The following ARHGEF9 variants were observed in gnomAD, a reference collection of about 807,000 sequenced individuals.
ARHGEF9 encodes rho guanine nucleotide exchange factor 9.
Under a neutral mutation model 41.3 loss-of-function variants are expected in ARHGEF9, and 2 were observed. The observed-to-expected ratio is 0.05, with a 90% CI of 0.02 to 0.15. The LOEUF (loss-of-function observed/expected upper bound fraction) is 0.15, where lower values mean the gene tolerates loss of function less well. Among genes scored for constraint, ARHGEF9 ranks in the 10% least tolerant of loss-of-function variants. The pLI is 1.00. For missense variants in ARHGEF9, 225 were observed against 424.7 expected, an observed-to-expected ratio of 0.53 and a Z score of 4.13; for synonymous variants, 160 against 154.4, an observed-to-expected ratio of 1.04 and a Z score of -0.27.
chrX:63,697,411 G>T, intron 3 of ARHGEF9, 107 bp from the exon 4 acceptor site: 1 of 697,026 alleles, frequency 1.4e-6, no homozygotes, highest in Non-Finnish European at 2.2e-6. Context: ...AGTAGGCATG[G>T]AATAATTATT....
chrX:63,694,136 T>C (rs1168387822), intron 4 of ARHGEF9, among the ~76,000 whole-genome samples: 2 of 108,786 alleles, frequency 1.8e-5, no homozygotes, highest in Admixed American at 9.8e-5. Context: ...CAAGCCAAGA[T>C]TGCACCACTG....
chrX:63,757,100 A>G (rs1255824828), intron 1 of ARHGEF9, among the ~76,000 whole-genome samples: 1 of 111,816 alleles, frequency 8.9e-6, no homozygotes, highest in Non-Finnish European at 1.9e-5. Flanking sequence ...CACTTCCTGC[A>G]TGGGTTCTTC....
intron 1 of ARHGEF9, among the ~76,000 whole-genome samples, chrX:63,775,457 A>G (rs1235906044): frequency 8.9e-6 from 1 of 112,686 alleles, no homozygotes; most frequent in Non-Finnish European, 1.9e-5. Context: ...TGGATAAAGA[A>G]AATATGGTAC....
chrX:63,637,275 G>A lies in ARHGEF9; in HGVS notation c.*753C>T, dbSNP rs2047356226. The A allele has an allele frequency of 6.7e-6, 2 of 297,104 alleles. No individual in the cohort carries two copies. The allele number at this position is 297,104 out of a possible 1,213,427, so 24.5% of individuals were successfully genotyped here. On this transcript the variant is annotated 3_prime_UTR_variant, in exon 10 of 10. Transcript: ENST00000671741. ...CATCATCATAGTCTGATACTCCCTT[G>A]CTTCTGTTTGGTTTTTTGATCCCTT...
At chrX:63,646,920 T>C (rs1341436413) in intron 8 of ARHGEF9, among the ~76,000 whole-genome samples, 1 of 111,459 alleles carries the variant, frequency 9.0e-6, no homozygotes, top group Non-Finnish European at 1.9e-5. Flanking sequence ...CAGTGGTTTG[T>C]AGTTGTCCTT....
intron 7 of ARHGEF9, among the ~76,000 whole-genome samples, chrX:63,664,367 A>T (rs1224559034): frequency 1.8e-5 from 2 of 112,546 alleles, no homozygotes; most frequent in African/African-American, 6.5e-5. Flanking sequence ...AGTTAAAGTA[A>T]TCCCAGCCTT....
chrX:63,766,578 T>C (rs782512542), intron 1 of ARHGEF9, among the ~76,000 whole-genome samples: 16 of 112,282 alleles, frequency 1.4e-4, no homozygotes, highest in African/African-American at 4.8e-4. Flanking sequence ...TCACTGCCTT[T>C]ACATACCCCA....
chrX:63,674,772 T>C (rs2050158161), intron 5 of ARHGEF9, among the ~76,000 whole-genome samples: 1 of 111,599 alleles, frequency 9.0e-6, no homozygotes, highest in Non-Finnish European at 1.9e-5. Context: ...AGTTTGGCAG[T>C]TACTCAAGAG....
At chrX:63,698,142 A>T (rs1473424002) in intron 3 of ARHGEF9, among the ~76,000 whole-genome samples, 3 of 105,063 alleles carry the variant, frequency 2.9e-5, no homozygotes, top group Non-Finnish European at 5.8e-5. Flanking sequence ...TAAATATATC[A>T]TATATATATA....
intron 4 of ARHGEF9, among the ~76,000 whole-genome samples, chrX:63,681,250 A>G (rs2050603629): frequency 8.9e-6 from 1 of 111,905 alleles, no homozygotes; most frequent in African/African-American, 3.3e-5. Context: ...TTCTAGTCTC[A>G]CTACCACATG....
chrX:63,785,071 G>A lies in ARHGEF9; in HGVS notation c.30+45C>T, dbSNP rs782387585. 4.8e-4 allele frequency: 552 copies of A among 1,158,478 alleles called. 2 individuals carry two copies. The highest frequency in any genetic ancestry group is 4.4e-3 in the Middle Eastern group (19 of 4,277). The stretch of plus-strand genomic sequence containing the variant: ...GGAGGAACTGGAGGTGGGGCTGGGG[G>A]ACTGAGAGGCTCAAGCAAGGGAAGC... On this transcript the variant is annotated intron_variant, in intron 1 of 9. Transcript: ENST00000671741.
chrX:63,770,252 C>T (rs782298079), intron 1 of ARHGEF9, among the ~76,000 whole-genome samples: 8 of 112,492 alleles, frequency 7.1e-5, no homozygotes, highest in Admixed American at 2.8e-4. Context: ...CTTACATCAG[C>T]GTAACTGGAA....
chrX:63,720,120 T>C (rs368869077), intron 2 of ARHGEF9, among the ~76,000 whole-genome samples: 33 of 111,645 alleles, frequency 3.0e-4, no homozygotes, highest in Middle Eastern at 4.6e-3. Flanking sequence ...GTGATCTACA[T>C]ACAAACAGGA....
intron 1 of ARHGEF9, among the ~76,000 whole-genome samples, chrX:63,782,357 C>T (rs1200546291): frequency 8.9e-6 from 1 of 111,979 alleles, no homozygotes; most frequent in Non-Finnish European, 1.9e-5. Flanking sequence ...GACTGAGAAA[C>T]ATAAAAGCCG....
In ARHGEF9 at chrX:63,785,200, G is replaced by A; in HGVS notation, c.-55C>T. On this transcript the variant is annotated 5_prime_UTR_variant, in exon 1 of 10. Coordinates refer to ENST00000671741, the MANE Select transcript of ARHGEF9 (RefSeq NM_001353921.2). ...CCCCGTAGCTGGCGCGAGTTGTCGC[G>A]GGCTGACTAGAAGGGCTGGGCTGAA... 1.8e-5 allele frequency: 20 copies of A among 1,141,659 alleles called. No homozygotes were observed. The highest frequency in any genetic ancestry group is 2.2e-5 in the Non-Finnish European group (19 of 853,150). The allele number at this position is 1,141,659 out of a possible 1,213,427, so 94.1% of individuals were successfully genotyped here. A position where few individuals can be genotyped will look rare whatever the true frequency, so the allele number is the denominator to read the frequency against.
intron 2 of ARHGEF9, chrX:63,707,461 T>C (rs1328500930): frequency 2.9e-5 from 3 of 104,344 alleles, no homozygotes; most frequent in Non-Finnish European, 5.8e-5. Context: ...CCCAAGAAGA[T>C]AGCCCTTCCC....
chrX:63,704,032 A>C lies in ARHGEF9; in HGVS notation c.402+2226T>G, dbSNP rs1468303339. Among the ~76,000 whole-genome samples, 6 of 111,770 alleles carry C rather than the reference A, an allele frequency of 5.4e-5. No homozygotes were observed. In the Admixed American group the frequency reaches 5.7e-4, roughly 11 times the overall value. On this transcript the variant is annotated intron_variant, in intron 3 of 9. Coordinates refer to ENST00000671741, the MANE Select transcript of ARHGEF9 (RefSeq NM_001353921.2). ...CAGAAAGGAGCAGGAGGTGAAAGTCATAGAGGCAAGGATGGGTTGACCACA... is the reference window on the plus strand; with the variant it reads ...CAGAAAGGAGCAGGAGGTGAAAGTCCTAGAGGCAAGGATGGGTTGACCACA...
In ARHGEF9 at chrX:63,637,870, G is replaced by C. The variant is rs1403836884; in HGVS notation, c.*158C>G. On this transcript the variant is annotated 3_prime_UTR_variant, in exon 10 of 10. Transcript: ENST00000671741. ...TCTGTGTGTGTGTGTGTGTGTGTGT[G>C]TGTGTGTGTGTCTGTGTGTGTGTGT... is the stretch of plus-strand genomic sequence containing the variant. 6.5e-5 allele frequency: 27 copies of C among 417,731 alleles called. No homozygotes were observed. The highest frequency in any genetic ancestry group is 6.1e-4 in the African/African-American group (24 of 39,311). 34.4% of individuals were successfully genotyped at this position (417,731 alleles called of 1,213,427 possible). A position where few individuals can be genotyped will look rare whatever the true frequency, so the allele number is the denominator to read the frequency against.
chrX:63,719,264 T>C (rs1404335741), intron 2 of ARHGEF9, among the ~76,000 whole-genome samples: 1 of 112,183 alleles, frequency 8.9e-6, no homozygotes, highest in Non-Finnish European at 1.9e-5. Flanking sequence ...TAGAGACTTA[T>C]GAACACTTTG....
Sources: allele counts gnomAD v4.1 joint callset (sites outside exome capture counted in the v4.1 genomes callset), GRCh38; gene constraint gnomAD v4.1.1; transcripts MANE v1.5; gene names NCBI Gene and HGNC (gene_info 2026-07-23, HGNC 2026-07-21).